PITRM1: variants seen among roughly 807,000 people sequenced by gnomAD.
The protein encoded by PITRM1 is presequence protease, mitochondrial.
In PITRM1, 100 loss-of-function variants were observed where a neutral mutation model predicts 129.9. That is an observed-to-expected ratio of 0.77 (90% confidence interval 0.65 to 0.91). The LOEUF is 0.91. Ranked by LOEUF, PITRM1 falls within the 40% of genes least tolerant of loss-of-function variation. The pLI is 0.00. For synonymous variants in PITRM1, 591 were observed against 508.8 expected (o/e 1.16, Z -2.17); for missense variants, 1,471 against 1,318.3 (o/e 1.12, Z -1.79).
Position 3,166,375 on chromosome 10 carries a change from T to TGCACGGTAGGGAAGAGAGAGGAATG in PITRM1, c.271_272insCATTCCTCTCTCTTCCCTACCGTGC (p.Gln91ProfsTer25). On this transcript the variant is annotated frameshift_variant, in exon 4 of 27. Coordinates refer to ENST00000224949, the MANE Select transcript of PITRM1 (RefSeq NM_014889.4). LOFTEE classifies it high-confidence loss of function. ...ACTGTCCATGGGAGTAGTACGGAAC[T>TGCACGGTAGGGAAGAGAGAGGAATG]GCACGCTAGGGAAGGAGAATGACCA... 1 of 1,413,946 alleles carries TGCACGGTAGGGAAGAGAGAGGAATG rather than the reference T, an allele frequency of 7.1e-7. No individual in the cohort carries two copies. The highest frequency in any genetic ancestry group is 1.2e-5 in the South Asian group (1 of 84,920). 87.6% of individuals were successfully genotyped at this position (1,413,946 alleles called of 1,614,324 possible). A position where few individuals can be genotyped will look rare whatever the true frequency, so the allele number is the denominator to read the frequency against.
chr10:3,147,361 C>A, intron 19 of PITRM1, 111 bp from the exon 20 acceptor site: 1 of 988,534 alleles, frequency 1.0e-6, no homozygotes, highest in Non-Finnish European at 1.6e-6. Flanking sequence ...GTTATGTGTG[C>A]GAGTGCACGG....
intron 14 of PITRM1, among the ~76,000 whole-genome samples, chr10:3,153,184 T>C (rs540826104): frequency 6.6e-5 from 10 of 152,290 alleles, no homozygotes; most frequent in African/African-American, 2.4e-4. Flanking sequence ...AAAGGAGAAA[T>C]CTGTAGTGTG....
intron 6 of PITRM1, among the ~76,000 whole-genome samples, 164 bp downstream of exon 6, chr10:3,165,074 G>A (rs551263561): frequency 1.3e-5 from 2 of 152,304 alleles, no homozygotes; most frequent in Non-Finnish European, 2.9e-5. Flanking sequence ...CAGCAGCCTG[G>A]CCCTGCTACC....
intron 14 of PITRM1, among the ~76,000 whole-genome samples, chr10:3,154,350 T>C (rs963312515): frequency 6.6e-6 from 1 of 152,206 alleles, no homozygotes; most frequent in Admixed American, 6.5e-5. Context: ...GGTCCGTGCA[T>C]GTTGGCTGGC....
chr10:3,138,165 G>A (rs1839755277), intron 26 of PITRM1, 41 bp from the exon 27 acceptor site: 5 of 1,569,706 alleles, frequency 3.2e-6, no homozygotes, highest in African/African-American at 1.4e-5. Flanking sequence ...ACTGGCTTCT[G>A]CGTGAGCGCT....
At chr10:3,159,811 T>C in intron 9 of PITRM1, 37 bp downstream of exon 9, 1 of 1,253,036 alleles carries the variant, frequency 8.0e-7, no homozygotes, top group Non-Finnish European at 1.2e-6. Context: ...TTTCCTCATG[T>C]TTTTGTCTTG....
intron 16 of PITRM1, 29 bp downstream of exon 16, chr10:3,149,592 G>C (rs948379881): frequency 1.3e-6 from 2 of 1,516,448 alleles, no homozygotes; most frequent in Non-Finnish European, 1.8e-6. Context: ...ACATTAATAA[G>C]ACACACAAGG....
At position 3,148,215 on chromosome 10, in the gene PITRM1, G is replaced by A; in HGVS notation, c.1948C>T (p.Pro650Ser). The stretch of plus-strand genomic sequence containing the variant: ...TGTGAGTCGTCGGGGAGCACGTGGG[G>A]AGAAGCACTCATCCCTCCGGTCTTC... ...ELKTGGMSAS[P>S]HVLPDDSHMD... is the part of the protein sequence containing the mutation. Residue 650 changes from proline to serine, a missense_variant, in exon 17 of 27, where the codon CCC becomes TCC. Transcript: ENST00000224949. 1 of 1,614,030 alleles carries A rather than the reference G, an allele frequency of 6.2e-7. No individual in the cohort carries two copies. Among genetic ancestry groups the A allele is most frequent in the Non-Finnish European group, 8.5e-7 (1 of 1,179,886 alleles).
chr10:3,138,050 G>C lies in PITRM1; in HGVS notation c.3095C>G (p.Pro1032Arg). 6.2e-7 allele frequency: 1 copy of C among 1,606,730 alleles called. No individual in the cohort carries two copies. The highest frequency in any genetic ancestry group is 8.5e-7 in the Non-Finnish European group (1 of 1,176,422). ...GPENPKIAKD[P>R]SWIIQ Reference sequence around the variant, plus strand: ...GGCTGCTCATTGGATGATCCAGGATGGGTCCTTGGCAATTTTCGGGTTCTC... The same window carrying C: ...GGCTGCTCATTGGATGATCCAGGATCGGTCCTTGGCAATTTTCGGGTTCTC... The change falls in exon 27 of 27, where the codon CCA (proline) becomes CGA (arginine). Residue 1032 changes from proline (P) to arginine (R), a missense_variant. Pro to Arg is a moderately radical substitution (Grantham distance 103). Coordinates refer to ENST00000224949, the MANE Select transcript of PITRM1 (RefSeq NM_014889.4).
intron 25 of PITRM1, chr10:3,138,700 T>A (rs879661204): frequency 1.9e-4 from 131 of 692,782 alleles, no homozygotes; most frequent in Non-Finnish European, 2.7e-4. Flanking sequence ...GGGTCTCAGG[T>A]CAGTAAAACA....
At chr10:3,151,735 C>T (rs1027308067) in intron 14 of PITRM1, among the ~76,000 whole-genome samples, 1 of 152,028 alleles carries the variant, frequency 6.6e-6, no homozygotes, top group Non-Finnish European at 1.5e-5. Flanking sequence ...GATCTTTATA[C>T]TTATCTTCTT....
Position 3,147,938 on chromosome 10 carries a change from A to C in PITRM1, c.2069+49T>G, listed in dbSNP as rs1588655844. Reference sequence around the variant, plus strand: ...GTCTCCTTTAAAGTACTTCAAACAAAGATCTCTAGTACACCCCAAGAATGG... The same window carrying C: ...GTCTCCTTTAAAGTACTTCAAACAACGATCTCTAGTACACCCCAAGAATGG... On this transcript the variant is annotated intron_variant, in intron 18 of 26. Coordinates refer to ENST00000224949, the MANE Select transcript of PITRM1 (RefSeq NM_014889.4). The C allele has an allele frequency of 2.8e-6, 4 of 1,425,212 alleles. No homozygotes were observed. In the African/African-American group the frequency reaches 5.6e-5, roughly 20 times the overall value. 88.3% of individuals were successfully genotyped at this position (1,425,212 alleles called of 1,614,324 possible).
chr10:3,163,656 AAACTGTT>A (rs1422137179), intron 7 of PITRM1, 62 bp downstream of exon 7: 8 of 1,282,716 alleles, frequency 6.2e-6, no homozygotes, highest in Non-Finnish European at 8.7e-6. Context: ...GCCATGCCAT[AAACTGTT>A]AAGAACACAA....
rs1163173428 is a variant in PITRM1 at position 3,147,587 on chromosome 10, G to A, written c.2220C>T (p.Phe740=). The change falls in exon 19 of 27, where the codon TTC becomes TTT. Residue 740 remains phenylalanine (F), a synonymous_variant. Transcript: ENST00000224949. Reference sequence around the variant, plus strand: ...AGCTTCCCACCTGATCCATCCCGCTGAAGGTCTCCTGCAGGTCCCCTGCGG... The same window carrying A: ...AGCTTCCCACCTGATCCATCCCGCTAAAGGTCTCCTGCAGGTCCCCTGCGG... ...LTPAGDLQET[F]SGMDQVRLMK... 6.2e-7 allele frequency: 1 copy of A among 1,613,922 alleles called. No individual in the cohort carries two copies. The highest frequency in any genetic ancestry group is 8.5e-7 in the Non-Finnish European group (1 of 1,179,910).
rs1402020580 is a variant in PITRM1 at position 3,147,355 on chromosome 10, T to C, written c.2236-105A>G. The C allele has an allele frequency of 1.3e-5, 13 of 989,508 alleles. No individual in the cohort carries two copies. In the Admixed American group the frequency reaches 1.5e-4, roughly 12 times the overall value. The allele number at this position is 989,508 out of a possible 1,614,324, so 61.3% of individuals were successfully genotyped here. A position where few individuals can be genotyped will look rare whatever the true frequency, so the allele number is the denominator to read the frequency against. ...CAGAACCCTGCTTGGGCAGGGGTTA[T>C]GTGTGCGAGTGCACGGCTTGGGCAG... is the stretch of plus-strand genomic sequence containing the variant. On this transcript the variant is annotated intron_variant, in intron 19 of 26. Coordinates refer to ENST00000224949, the MANE Select transcript of PITRM1 (RefSeq NM_014889.4).
intron 6 of PITRM1, 22 bp downstream of exon 6, chr10:3,165,216 A>G (rs774266684): frequency 8.3e-5 from 124 of 1,499,052 alleles, no homozygotes; most frequent in Non-Finnish European, 5.7e-5. Flanking sequence ...TGAACACAAC[A>G]TAAAAAAGGA....
intron 11 of PITRM1, 71 bp downstream of exon 11, chr10:3,157,969 G>C: frequency 2.2e-6 from 2 of 910,748 alleles, no homozygotes; most frequent in Non-Finnish European, 3.7e-6. Context: ...AATGGATCAG[G>C]CTCAGCTTCT....
In PITRM1 at chr10:3,172,750, T is replaced by C. The variant is rs11818724; in HGVS notation, c.23A>G (p.Gln8Arg). ...CAGCCGCCTCAGCACACACAGGCCC[T>C]GCCGCCCGCCGCAGCGCCACATTGC... Reference protein sequence around the residue: MWRCGGRQGLCVLRRLSG... With the variant: MWRCGGRRGLCVLRRLSG... The change falls in exon 1 of 27, where the codon CAG (glutamine) becomes CGG (arginine). Residue 8 changes from glutamine to arginine, a missense_variant. Coordinates refer to ENST00000224949, the MANE Select transcript of PITRM1 (RefSeq NM_014889.4). 138,625 of 1,544,440 alleles carry C rather than the reference T, an allele frequency of 0.09. 6,867 individuals are homozygous for C. Among genetic ancestry groups the C allele is most frequent in the Non-Finnish European group, 0.1 (118,906 of 1,144,402 alleles).
intron 21 of PITRM1, 99 bp downstream of exon 21, chr10:3,145,497 G>T: frequency 9.9e-7 from 1 of 1,014,514 alleles, no homozygotes. Flanking sequence ...ACCCCCACAT[G>T]CTGGACTGCT....
Sources: gnomAD v4.1 joint callset for allele counts (sites outside exome capture counted in the v4.1 genomes callset) on GRCh38, gnomAD v4.1.1 for gene constraint, MANE v1.5 for transcripts, NCBI Gene and HGNC (gene_info 2026-07-23, HGNC 2026-07-21) for gene names.